Variants in CNOT2 observed in about 807,000 individuals in gnomAD.
CNOT2 encodes CC chemokine receptor 4-negative regulator of transcription 2.
A neutral mutation model predicts 72.1 loss-of-function variants in CNOT2; 7 were observed. That is an observed-to-expected ratio of 0.10 (90% CI 0.06 to 0.18). The LOEUF (loss-of-function observed/expected upper bound fraction) is 0.18. CNOT2 is among the 10% of genes least tolerant of loss of function. The pLI, the probability that CNOT2 is intolerant of heterozygous loss-of-function variation, is 1.00. For missense variants in CNOT2, 345 were observed against 660.3 expected (o/e 0.52, Z 5.23); for synonymous variants, 196 against 225.6 (o/e 0.87, Z 1.17).
At chr12:70,346,370 A>C (rs1482308317) in intron 15 of CNOT2, 46 bp downstream of exon 15, 1 of 1,506,006 alleles carries the variant, frequency 6.6e-7, no homozygotes, top group Admixed American at 1.7e-5. Flanking sequence ...AACTTGAAAA[A>C]AGAAGTGTCC....
intron 3 of CNOT2, 22 bp from the exon 4 acceptor site, chr12:70,319,276 A>G (rs1355264408): frequency 1.2e-6 from 2 of 1,603,490 alleles, no homozygotes; most frequent in East Asian, 2.2e-5. Context: ...TTTATGCTCT[A>G]ATATAATTAA....
chr12:70,353,813 G>C lies in CNOT2; in HGVS notation c.1537-16G>C, dbSNP rs772655295. The C allele has an allele frequency of 2.0e-6, 3 of 1,502,148 alleles. No individual in the cohort carries two copies. The Admixed American group carries it at 6.0e-5, about 30-fold the overall frequency. 93.1% of individuals were successfully genotyped at this position (1,502,148 alleles called of 1,614,324 possible). ...AAAAGGGGAAGATATCTAAATTCTTGAATTTGTTTTTATAGGAGTTCCATC... is the reference window on the plus strand; with the variant it reads ...AAAAGGGGAAGATATCTAAATTCTTCAATTTGTTTTTATAGGAGTTCCATC... On this transcript the variant is annotated splice_polypyrimidine_tract_variant and intron_variant, in intron 15 of 15. Coordinates refer to ENST00000229195, the MANE Select transcript of CNOT2 (RefSeq NM_014515.7).
chr12:70,273,778 C>T (rs1402120359), intron 1 of CNOT2, among the ~76,000 whole-genome samples: 2 of 152,154 alleles, frequency 1.3e-5, no homozygotes, highest in Non-Finnish European at 2.9e-5. Context: ...TTTAGATAGA[C>T]CTGACTCTCT....
chr12:70,278,173 G>T lies in CNOT2; in HGVS notation c.-54G>T. On this transcript the variant is annotated 5_prime_UTR_variant, in exon 2 of 16. Transcript: ENST00000229195. The stretch of plus-strand genomic sequence containing the variant: ...CGGTCCTTCCTGTGACACGACCCTT[G>T]AGTGACAGTTCTATTTGATTGCCTC... The T allele has an allele frequency of 7.3e-7, 1 of 1,378,834 alleles. No individual in the cohort carries two copies. The highest frequency in any genetic ancestry group is 1.0e-6 in the Non-Finnish European group (1 of 973,232). The allele number at this position is 1,378,834 out of a possible 1,614,324, so 85.4% of individuals were successfully genotyped here. A position where few individuals can be genotyped will look rare whatever the true frequency, so the allele number is the denominator to read the frequency against.
chr12:70,301,234 C>G (rs945820938), intron 2 of CNOT2, among the ~76,000 whole-genome samples: 2 of 152,144 alleles, frequency 1.3e-5, no homozygotes, highest in African/African-American at 2.4e-5. Context: ...CCTGATTGCC[C>G]TGGCCAGAAC....
Position 70,330,443 on chromosome 12 carries a change from T to A in CNOT2, c.543T>A (p.Pro181=). 1 of 1,612,422 alleles carries A rather than the reference T, an allele frequency of 6.2e-7. No homozygotes were observed. The highest frequency in any genetic ancestry group is 8.5e-7 in the Non-Finnish European group (1 of 1,178,926). The change falls in exon 6 of 16, where the codon CCT becomes CCA. Residue 181 remains proline, a synonymous_variant. Coordinates refer to ENST00000229195, the MANE Select transcript of CNOT2 (RefSeq NM_014515.7). ...PSIICMPKQQ[P]SRQPFTVNSM... ...TAATATGTATGCCAAAGCAGCAGCC[T>A]TCTCGACAGCCTTTTACTGTGAACA...
chr12:70,290,324 A>G (rs1871666136), intron 2 of CNOT2, among the ~76,000 whole-genome samples: 1 of 151,558 alleles, frequency 6.6e-6, no homozygotes. Flanking sequence ...GCATATTTTC[A>G]GAGATCTTTC....
At chr12:70,276,678 A>G (rs1445374738) in intron 1 of CNOT2, among the ~76,000 whole-genome samples, 2 of 152,044 alleles carry the variant, frequency 1.3e-5, no homozygotes, top group East Asian at 1.9e-4. Context: ...GATAAAGATT[A>G]CATTTATAAT....
At chr12:70,272,213 T>C (rs1477338786) in intron 1 of CNOT2, among the ~76,000 whole-genome samples, 2 of 152,214 alleles carry the variant, frequency 1.3e-5, no homozygotes, top group African/African-American at 2.4e-5. Context: ...TCACTTATTG[T>C]AGGTACTTGT....
At chr12:70,352,657 G>T (rs1054315433) in intron 15 of CNOT2, among the ~76,000 whole-genome samples, 1 of 152,044 alleles carries the variant, frequency 6.6e-6, no homozygotes, top group Non-Finnish European at 1.5e-5. Context: ...TCTTTAAGTT[G>T]GATTATGCAG....
At chr12:70,250,934 G>A (rs1307659662) in intron 1 of CNOT2, among the ~76,000 whole-genome samples, 1 of 152,212 alleles carries the variant, frequency 6.6e-6, no homozygotes, top group East Asian at 1.9e-4. Flanking sequence ...TTTACAAAGA[G>A]CAATAGGAAG....
At chr12:70,305,873 G>GTTTTTTTTTTTT (rs11412509) in intron 2 of CNOT2, among the ~76,000 whole-genome samples, 11 of 60,096 alleles carry the variant, frequency 1.8e-4, no homozygotes, top group Non-Finnish European at 2.4e-4. Context: ...TCTGAAGTTT[G>GTTTTTTTTTTTT]TTTTTTTTTT....
chr12:70,252,182 TTTTA>T (rs1377964845), intron 1 of CNOT2, among the ~76,000 whole-genome samples: 3 of 152,254 alleles, frequency 2.0e-5, no homozygotes, highest in Admixed American at 1.3e-4. Flanking sequence ...TTATTTTTAT[TTTTA>T]TTTATTTATT....
At chr12:70,251,542 G>A (rs1051646465) in intron 1 of CNOT2, among the ~76,000 whole-genome samples, 1 of 151,860 alleles carries the variant, frequency 6.6e-6, no homozygotes, top group Non-Finnish European at 1.5e-5. Context: ...TAACCATTAG[G>A]AGGGGAAAAA....
intron 4 of CNOT2, 132 bp downstream of exon 4, chr12:70,319,496 A>C: frequency 1.2e-6 from 1 of 841,256 alleles, no homozygotes; most frequent in Non-Finnish European, 1.8e-6. Context: ...TAATTTTCAG[A>C]GTTTTATTTT....
chr12:70,278,753 G>A (rs1869306006), intron 2 of CNOT2, among the ~76,000 whole-genome samples: 1 of 152,080 alleles, frequency 6.6e-6, no homozygotes, highest in Admixed American at 6.5e-5. Flanking sequence ...TATTGAATTT[G>A]TTATTAGTTT....
At chr12:70,336,987 C>T (rs1267673464) in intron 8 of CNOT2, 1 of 156,722 alleles carries the variant, frequency 6.4e-6, no homozygotes, top group Admixed American at 6.3e-5. Flanking sequence ...AAGTCGCTTT[C>T]AAGTAGAATA....
At chr12:70,333,049 C>T (rs1008061803) in intron 7 of CNOT2, among the ~76,000 whole-genome samples, 7 of 151,812 alleles carry the variant, frequency 4.6e-5, no homozygotes, top group African/African-American at 1.4e-4. Context: ...AGCATGGTAA[C>T]GTAGTAATTT....
chr12:70,317,086 A>C (rs1431362539), intron 3 of CNOT2, among the ~76,000 whole-genome samples: 2 of 152,116 alleles, frequency 1.3e-5, no homozygotes, highest in Non-Finnish European at 2.9e-5. Flanking sequence ...AATGACAGAA[A>C]ATCATGATTC....
Sources: gnomAD v4.1 joint callset for allele counts (sites outside exome capture counted in the v4.1 genomes callset) on GRCh38, gnomAD v4.1.1 for gene constraint, MANE v1.5 for transcripts, NCBI Gene and HGNC (gene_info 2026-07-23, HGNC 2026-07-21) for gene names.